The following WNK4 variants were observed in gnomAD, a reference collection of about 807,000 sequenced individuals.
The protein encoded by WNK4 is WNK lysine deficient protein kinase 4.
Under a neutral mutation model 116.2 loss-of-function variants are expected in WNK4, and 94 were observed. That is an observed-to-expected ratio of 0.81 (90% CI 0.68 to 0.96). The LOEUF (loss-of-function observed/expected upper bound fraction) is 0.96. WNK4 is among the 40% of genes least tolerant of loss of function. The probability of loss-of-function intolerance (pLI) is 0.00; values close to 1 mark genes in which losing one functional copy is unlikely to be tolerated. For synonymous variants in WNK4, 655 were observed against 672.7 expected, an observed-to-expected ratio of 0.97 and a Z score of 0.41; for missense variants, 1,542 against 1,650.6, an observed-to-expected ratio of 0.93 and a Z score of 1.14.
In WNK4 at chr17:42,795,627, G is replaced by C. The variant is rs758249718; in HGVS notation, c.3025G>C (p.Gly1009Arg). 2.5e-6 allele frequency: 4 copies of C among 1,613,876 alleles called. No homozygotes were observed. In the South Asian group the frequency reaches 4.4e-5, roughly 18 times the overall value. Residue 1009 changes from glycine (G) to arginine (R), a missense_variant and splice_region_variant, in exon 16 of 19, where the codon GGA becomes CGA. Gly to Arg is a moderately radical substitution (Grantham distance 125). Transcript: ENST00000246914. Reference sequence around the variant, plus strand: ...CCTTCTTCCTCGTCGCCCTACAGAGGGAAAGCCGCAGCTTGTTGGGCGTTT... The same window carrying C: ...CCTTCTTCCTCGTCGCCCTACAGAGCGAAAGCCGCAGCTTGTTGGGCGTTT... ...EARLAPISEE[G>R]KPQLVGRFQV...
chr17:42,781,648 A>C (rs61754330), intron 1 of WNK4, among the ~76,000 whole-genome samples: 1,626 of 152,208 alleles, frequency 0.011, 29 homozygotes, highest in African/African-American at 0.037. Flanking sequence ...GGGTACCCGC[A>C]ATCCCTTCCT....
intron 18 of WNK4, 25 bp downstream of exon 18, chr17:42,796,603 G>T (rs1425145257): frequency 6.2e-7 from 1 of 1,614,078 alleles, no homozygotes; most frequent in Non-Finnish European, 8.5e-7. Flanking sequence ...AAGGGAGGGA[G>T]AGCCCAGGGA....
rs762079039 is a variant in WNK4, at chr17:42,787,851, T to TG, written c.1822dup (p.Val608GlyfsTer7). 66 of 1,611,712 alleles carry TG rather than the reference T, an allele frequency of 4.1e-5. No individual in the cohort carries two copies. Among genetic ancestry groups the TG allele is most frequent in the African/African-American group, 1.3e-4 (10 of 74,880 alleles). Reference sequence around the variant, plus strand: ...CCTCAGACCCTGCCCTTCAGCCCCCTGGGGGGGTGCCATCCAGCCTGGCTG... The same window carrying TG: ...CCTCAGACCCTGCCCTTCAGCCCCCTGGGGGGGGTGCCATCCAGCCTGGCTG... On this transcript the variant is annotated frameshift_variant, in exon 8 of 19. Transcript: ENST00000246914. LOFTEE classifies it high-confidence loss of function.
rs1329562269 is a variant in WNK4 at position 42,784,360 on chromosome 17, G to A, written c.1013-62G>A. 1 of 1,594,008 alleles carries A rather than the reference G, an allele frequency of 6.3e-7. No individual in the cohort carries two copies. The highest frequency in any genetic ancestry group is 8.5e-7 in the Non-Finnish European group (1 of 1,170,558). On this transcript the variant is annotated intron_variant, in intron 3 of 18. Coordinates refer to ENST00000246914, the MANE Select transcript of WNK4 (RefSeq NM_032387.5). This position sits in a 1 kb window ranked among gnomAD's most constrained non-coding sequence, Gnocchi z 4.4. ...TCGCAGGGTTGCCTGGGGCTGCCTA[G>A]CCCAGTGGGAAGGACGAGGCCAGAG...
In WNK4 at chr17:42,794,664, C is replaced by T. The variant is rs1254287635; in HGVS notation, c.2346C>T (p.Ser782=). 3 of 1,613,728 alleles carry T rather than the reference C, an allele frequency of 1.9e-6. No homozygotes were observed. In the African/African-American group the frequency reaches 4.0e-5, roughly 22 times the overall value. ...PALPVPLPDP[S]NEELQSSTSL... ...TGCCCGTCCCCCTCCCAGACCCATC[C>T]AATGGTATGTACTGAGTTGTGTCCT... The change falls in exon 13 of 19, where the codon TCC becomes TCT. Residue 782 remains serine (S), a synonymous_variant. Transcript: ENST00000246914.
rs1263373777 is a variant in WNK4, at chr17:42,787,264, C to T, written c.1477-14C>T. The T allele has an allele frequency of 3.7e-6, 6 of 1,613,444 alleles. No homozygotes were observed. The highest frequency in any genetic ancestry group is 5.1e-6 in the Non-Finnish European group (6 of 1,180,026). On this transcript the variant is annotated splice_polypyrimidine_tract_variant and intron_variant, in intron 6 of 18. Transcript: ENST00000246914. Reference sequence around the variant, plus strand: ...GTCCCAAGCTGTGTTCCTCATCCCCCACCCCAATTCCAGGTGGCTCTGGGC... The same window carrying T: ...GTCCCAAGCTGTGTTCCTCATCCCCTACCCCAATTCCAGGTGGCTCTGGGC...
Position 42,793,737 on chromosome 17 carries a change from C to T in WNK4, c.2295+8C>T. The stretch of plus-strand genomic sequence containing the variant: ...GACACCCTAAGCCCCCAGGTCAGAC[C>T]CCTTGGTGGACACTTCCAGGGGAAA... On this transcript the variant is annotated splice_region_variant and intron_variant, in intron 12 of 18. Transcript: ENST00000246914. 1 of 1,613,952 alleles carries T rather than the reference C, an allele frequency of 6.2e-7. No homozygotes were observed. The highest frequency in any genetic ancestry group is 8.5e-7 in the Non-Finnish European group (1 of 1,179,884).
At chr17:42,794,728 A>T in intron 13 of WNK4, 44 bp from the exon 14 acceptor site, 1 of 1,613,930 alleles carries the variant, frequency 6.2e-7, no homozygotes, top group South Asian at 1.1e-5. Context: ...TGGGAAGGGC[A>T]TAGGGCATGT....
At position 42,795,445 on chromosome 17, in the gene WNK4, GCCC is replaced by G; in HGVS notation, c.2962-12_2962-10del. ...CACTCTGCACTCTTCCCTTCTCATG[GCCC>G]CCCACTTTCTAGGCCTCACCACCTC... is the stretch of plus-strand genomic sequence containing the variant. On this transcript the variant is annotated splice_polypyrimidine_tract_variant and intron_variant, in intron 14 of 18. Transcript: ENST00000246914. 1 of 1,614,060 alleles carries G rather than the reference GCCC, an allele frequency of 6.2e-7. No homozygotes were observed. The highest frequency in any genetic ancestry group is 8.5e-7 in the Non-Finnish European group (1 of 1,180,000).
At position 42,784,822 on chromosome 17, in the gene WNK4, A is replaced by G. The variant is rs901649010; in HGVS notation, c.1170+243A>G. Among the ~76,000 whole-genome samples, 13 of 151,468 alleles carry G rather than the reference A, an allele frequency of 8.6e-5. No homozygotes were observed. Among genetic ancestry groups the G allele is most frequent in the African/African-American group, 2.2e-4 (9 of 40,950 alleles). ...GATTTCGCATCCCATCTCTCATCCA[A>G]TCCTTCCAGCTGCCCTGTGAGGTGA... On this transcript the variant is annotated intron_variant, in intron 4 of 18. Transcript: ENST00000246914. This position sits in a 1 kb window ranked among gnomAD's most constrained non-coding sequence, Gnocchi z 4.4.
intron 11 of WNK4, 144 bp downstream of exon 11, chr17:42,788,941 T>G: frequency 8.2e-6 from 6 of 734,766 alleles, no homozygotes; most frequent in South Asian, 7.7e-5. Context: ...ACGCTGAAGA[T>G]GTCTCAGCCC....
At chr17:42,791,367 G>T (rs922970273) in intron 11 of WNK4, among the ~76,000 whole-genome samples, 4 of 152,216 alleles carry the variant, frequency 2.6e-5, no homozygotes, top group Admixed American at 2.0e-4. Context: ...TGCCGGGCAT[G>T]GTGGCTCACG....
At position 42,796,467 on chromosome 17, in the gene WNK4, C is replaced by T. The variant is rs770224589; in HGVS notation, c.3632-14C>T. 40 of 1,614,060 alleles carry T rather than the reference C, an allele frequency of 2.5e-5. No homozygotes were observed. The highest frequency in any genetic ancestry group is 3.0e-5 in the Non-Finnish European group (35 of 1,179,904). ...TCCTCACTTAGTGCTCTCCTTCCCC[C>T]ATCCTGCTCCCAGGCATCATGCGAA... is the stretch of plus-strand genomic sequence containing the variant. On this transcript the variant is annotated splice_polypyrimidine_tract_variant and intron_variant, in intron 17 of 18. Coordinates refer to ENST00000246914, the MANE Select transcript of WNK4 (RefSeq NM_032387.5).
chr17:42,783,048 C>A, intron 2 of WNK4, 118 bp downstream of exon 2: 1 of 1,349,362 alleles, frequency 7.4e-7, no homozygotes, highest in Non-Finnish European at 1.0e-6. Flanking sequence ...GGTTCACCAT[C>A]TCCCTCTCAC....
chr17:42,780,902 G>A lies in WNK4; in HGVS notation c.204G>A (p.Gly68=), dbSNP rs200209645. Residue 68 remains glycine (G), a synonymous_variant, in exon 1 of 19, where the codon GGG becomes GGA. Transcript: ENST00000246914. Reference sequence around the variant, plus strand: ...GCCGCCGTAGCTCAGTCGACTTGGGGCTGCTGAGCTCTTGGTCCCTGCCAG... The same window carrying A: ...GCCGCCGTAGCTCAGTCGACTTGGGACTGCTGAGCTCTTGGTCCCTGCCAG... ...RLSRRSSVDL[G]LLSSWSLPAS... 265 of 1,607,268 alleles carry A rather than the reference G, an allele frequency of 1.6e-4. No individual in the cohort carries two copies. The highest frequency in any genetic ancestry group is 2.2e-4 in the Non-Finnish European group (257 of 1,179,666).
chr17:42,794,365 CATT>C (rs2054638602), intron 12 of WNK4: 3 of 566,690 alleles, frequency 5.3e-6, no homozygotes, highest in Admixed American at 3.0e-5. Flanking sequence ...TTAGCGTCAT[CATT>C]GTCTCTTCCT....
chr17:42,782,986 C>A lies in WNK4; in HGVS notation c.791+56C>A. ...GGGAGGCTGGGATGTGTGCCCACTG[C>A]TTCCTGAACTCCCAGGCTCCTCAAA... On this transcript the variant is annotated intron_variant, in intron 2 of 18. Coordinates refer to ENST00000246914, the MANE Select transcript of WNK4 (RefSeq NM_032387.5). This position sits in a 1 kb window ranked among gnomAD's most constrained non-coding sequence, Gnocchi z 4.2. The A allele has an allele frequency of 1.3e-6, 2 of 1,590,304 alleles. No individual in the cohort carries two copies. Among genetic ancestry groups the A allele is most frequent in the South Asian group, 1.1e-5 (1 of 88,838 alleles).
rs775923469 is a variant in WNK4 at position 42,795,321 on chromosome 17, C to A, written c.2900C>A (p.Pro967His). 3 of 1,614,010 alleles carry A rather than the reference C, an allele frequency of 1.9e-6. No individual in the cohort carries two copies. The highest frequency in any genetic ancestry group is 2.5e-6 in the Non-Finnish European group (3 of 1,180,040). Reference sequence around the variant, plus strand: ...CCCCTCCCTAGCCTGCCCCTTCCCCCTCCCGTTGCTCCTGGTGGCCAGGAA... The same window carrying A: ...CCCCTCCCTAGCCTGCCCCTTCCCCATCCCGTTGCTCCTGGTGGCCAGGAA... ...PSPLPSLPLP[P>H]PVAPGGQESP... Residue 967 changes from proline to histidine, a missense_variant, in exon 14 of 19, where the codon CCT (proline) becomes CAT (histidine). Transcript: ENST00000246914.
chr17:42,785,586 G>A (rs941358497), intron 6 of WNK4, 104 bp downstream of exon 6: 2 of 1,350,120 alleles, frequency 1.5e-6, no homozygotes, highest in Non-Finnish European at 2.1e-6. Flanking sequence ...AGCGATGGGG[G>A]CGGGGCACCT....
Sources: gnomAD v4.1 joint callset for allele counts (sites outside exome capture counted in the v4.1 genomes callset) on GRCh38, gnomAD v4.1.1 for gene constraint, Gnocchi (gnomAD v3.1) non-coding constraint, MANE v1.5 for transcripts, NCBI Gene and HGNC (gene_info 2026-07-23, HGNC 2026-07-21) for gene names.